SORBS2: variants seen among roughly 807,000 people sequenced by gnomAD.
The protein encoded by SORBS2 is sorbin and SH3 domain-containing protein 2.
Under a neutral mutation model 97.7 loss-of-function variants are expected in SORBS2, and 46 were observed. The ratio of observed to expected loss-of-function variants is 0.47; its 90% CI spans 0.37 to 0.60. SORBS2 has a LOEUF of 0.60. Ranked by LOEUF, SORBS2 falls within the 20% of genes least tolerant of loss-of-function variation. The probability of loss-of-function intolerance (pLI) is 0.00; values close to 1 mark genes in which losing one functional copy is unlikely to be tolerated. For synonymous variants in SORBS2, 476 were observed against 473.4 expected (o/e 1.01, Z -0.07); for missense variants, 1,316 against 1,282.3 (o/e 1.03, Z -0.40).
chr4:185,765,221 T>C (rs2098927421), intron 2 of SORBS2, among the ~76,000 whole-genome samples: 1 of 152,158 alleles, frequency 6.6e-6, no homozygotes, highest in African/African-American at 2.4e-5. Flanking sequence ...GCATTAAAAG[T>C]AGTTATCTAT....
exon 7 of SORBS2, chr4:185,624,078 G>C: frequency 6.2e-7 from 1 of 1,614,178 alleles, no homozygotes. Context: ...AGGAACCCCG[G>C]GGCGTTGCGG....
chr4:185,751,825 T>C (rs938549282), intron 2 of SORBS2, among the ~76,000 whole-genome samples: 1 of 151,824 alleles, frequency 6.6e-6, no homozygotes, highest in Non-Finnish European at 1.5e-5. Context: ...TGCTAGAGAG[T>C]CAGCATCGCA....
chr4:185,604,205 C>T (rs1025707921), intron 12 of SORBS2, among the ~76,000 whole-genome samples: 1 of 152,180 alleles, frequency 6.6e-6, no homozygotes. Context: ...ATAGAGGCCA[C>T]GCCCATGATG....
At chr4:185,825,602 A>G (rs576676275) in intron 1 of SORBS2, among the ~76,000 whole-genome samples, 1 of 152,328 alleles carries the variant, frequency 6.6e-6, no homozygotes, top group South Asian at 2.1e-4. Context: ...CCATTGATCT[A>G]GGATAAATCA....
intron 2 of SORBS2, among the ~76,000 whole-genome samples, chr4:185,753,017 A>G (rs2098810658): frequency 6.6e-6 from 1 of 152,238 alleles, no homozygotes; most frequent in African/African-American, 2.4e-5. Flanking sequence ...TACTAAGATG[A>G]AAGACATTCC....
intron 1 of SORBS2, among the ~76,000 whole-genome samples, chr4:185,835,640 A>T (rs1450562700): frequency 6.8e-6 from 1 of 147,126 alleles, no homozygotes; most frequent in Non-Finnish European, 1.5e-5. Context: ...TATTTTTGCC[A>T]ATTTTGAAAG....
intron 1 of SORBS2, among the ~76,000 whole-genome samples, chr4:185,898,031 C>T (rs1214943037): frequency 2.6e-5 from 4 of 152,174 alleles, no homozygotes; most frequent in African/African-American, 7.2e-5. Flanking sequence ...AGCAAGACCC[C>T]GTCTCAAACA....
intron 4 of SORBS2, among the ~76,000 whole-genome samples, chr4:185,635,681 A>T (rs530769335): frequency 6.6e-6 from 1 of 152,180 alleles, no homozygotes; most frequent in Admixed American, 6.5e-5. Flanking sequence ...TTTCATTAGC[A>T]CTCCTAGTCT....
Position 185,601,530 on chromosome 4 carries a change from A to G in SORBS2, c.2797-7595T>C, listed in dbSNP as rs192059667. Among the ~76,000 whole-genome samples, 265 of 152,248 alleles carry G rather than the reference A, an allele frequency of 1.7e-3. 3 individuals are homozygous for G. The highest frequency in any genetic ancestry group is 6.0e-3 in the African/African-American group (250 of 41,534). ...CAGATGGAAACTCCTGGGTTCTCTG[A>G]TGACTGCGGGGCCACCATACCAGTC... On this transcript the variant is annotated intron_variant, in intron 12 of 14. Coordinates refer to ENST00000418609, the Ensembl canonical transcript of SORBS2.
chr4:185,727,062 A>G (rs939488367), intron 2 of SORBS2, among the ~76,000 whole-genome samples: 9 of 152,206 alleles, frequency 5.9e-5, no homozygotes, highest in Non-Finnish European at 1.0e-4. Flanking sequence ...TACGCTTTGA[A>G]CAGATCAGAA....
At chr4:185,773,833 A>ATGGC (rs946106542) in intron 2 of SORBS2, 6 of 152,212 alleles carry the variant, frequency 3.9e-5, no homozygotes, top group Admixed American at 2.0e-4. Flanking sequence ...AGCTGATTGA[A>ATGGC]TGGCTAGTAA....
Position 185,684,963 on chromosome 4 carries a change from A to G in SORBS2, c.-197-6141T>C. 1.3e-6 allele frequency: 1 copy of G among 768,874 alleles called. No individual in the cohort carries two copies. The highest frequency in any genetic ancestry group is 2.1e-6 in the Non-Finnish European group (1 of 466,084). The allele number at this position is 768,874 out of a possible 1,614,324, so 47.6% of individuals were successfully genotyped here. Reference sequence around the variant, plus strand: ...ATGAGAAAGATGAACAGTTAGAATTAGTAATCATGGAATGCACCTGCCAAT... The same window carrying G: ...ATGAGAAAGATGAACAGTTAGAATTGGTAATCATGGAATGCACCTGCCAAT... On this transcript the variant is annotated intron_variant, in intron 2 of 20. Transcript: ENST00000284776. This position sits in a 1 kb window ranked among gnomAD's most constrained non-coding sequence, Gnocchi z 4.2.
intron 2 of SORBS2, among the ~76,000 whole-genome samples, chr4:185,688,393 T>C (rs564565314): frequency 1.3e-5 from 2 of 152,106 alleles, no homozygotes; most frequent in South Asian, 4.1e-4. Flanking sequence ...TTTAAATGAA[T>C]ATTGATATAT....
intron 2 of SORBS2, among the ~76,000 whole-genome samples, chr4:185,764,548 G>A (rs1223942870): frequency 6.6e-6 from 1 of 152,128 alleles, no homozygotes; most frequent in Admixed American, 6.5e-5. Flanking sequence ...CAAAAATATG[G>A]AAGTATAGGC....
chr4:185,699,565 G>T lies in SORBS2; in HGVS notation c.-197-20743C>A, dbSNP rs190845654. 3.3e-5 allele frequency among the ~76,000 whole-genome samples: 5 copies of T among 152,242 alleles called. No individual in the cohort carries two copies. The East Asian group carries it at 9.6e-4, about 29-fold the overall frequency. On this transcript the variant is annotated intron_variant, in intron 2 of 20. Transcript: ENST00000284776. Reference sequence around the variant, plus strand: ...GTCTCCCAAAGTGCTGGGATTATGGGTGTGAGCCTCCATGCCTGGCCAGAA... The same window carrying T: ...GTCTCCCAAAGTGCTGGGATTATGGTTGTGAGCCTCCATGCCTGGCCAGAA...
intron 1 of SORBS2, among the ~76,000 whole-genome samples, chr4:185,948,363 A>G (rs77520267): frequency 2.0e-5 from 3 of 152,236 alleles, no homozygotes; most frequent in Non-Finnish European, 4.4e-5. Context: ...CCTAATATAC[A>G]TTAGCCCTCC....
intron 2 of SORBS2, among the ~76,000 whole-genome samples, chr4:185,713,684 G>A (rs549793863): frequency 2.0e-5 from 3 of 152,328 alleles, no homozygotes; most frequent in African/African-American, 7.2e-5. Flanking sequence ...TTGCTGCTGT[G>A]GAAAAGGGTG....
intron 1 of SORBS2, among the ~76,000 whole-genome samples, chr4:185,781,543 A>G (rs879306227): frequency 6.7e-6 from 1 of 148,418 alleles, no homozygotes; most frequent in Non-Finnish European, 1.5e-5. Context: ...CCTCCCTTCC[A>G]TTGCCTCCAG....
intron 5 of SORBS2, among the ~76,000 whole-genome samples, chr4:185,627,954 C>G (rs749554926): frequency 5.3e-5 from 8 of 152,146 alleles, no homozygotes; most frequent in Non-Finnish European, 1.2e-4. Context: ...AGGTTGGCTT[C>G]CTGCACTCGG....
Sources: gnomAD v4.1 joint callset for allele counts (sites outside exome capture counted in the v4.1 genomes callset) on GRCh38, gnomAD v4.1.1 for gene constraint, Gnocchi (gnomAD v3.1) non-coding constraint, MANE v1.5 for transcripts, NCBI Gene and HGNC (gene_info 2026-07-23, HGNC 2026-07-21) for gene names.